Variants in SPATA13 observed in about 807,000 individuals in gnomAD.
SPATA13 encodes the protein spermatogenesis-associated protein 13.
A neutral mutation model predicts 104.0 loss-of-function variants in SPATA13; 50 were observed. That is an observed-to-expected ratio of 0.48 (90% CI 0.38 to 0.61). SPATA13 has a LOEUF of 0.61. Ranked by LOEUF, SPATA13 falls within the 20% of genes least tolerant of loss-of-function variation. The pLI is 0.00. For synonymous variants in SPATA13, 606 were observed against 667.5 expected, an observed-to-expected ratio of 0.91 and a Z score of 1.42; for missense variants, 1,524 against 1,690.6, an observed-to-expected ratio of 0.90 and a Z score of 1.73.
Position 24,249,628 on chromosome 13 carries a change from C to T in SPATA13, c.1805C>T (p.Ser602Phe). 6.2e-7 allele frequency: 1 copy of T among 1,614,126 alleles called. No individual in the cohort carries two copies. The highest frequency in any genetic ancestry group is 8.5e-7 in the Non-Finnish European group (1 of 1,179,960). Residue 602 changes from serine (S) to phenylalanine (F), a missense_variant, in exon 3 of 13, where the codon TCT becomes TTT. Ser to Phe is a radical substitution (Grantham distance 155). Coordinates refer to ENST00000382108, the MANE Select transcript of SPATA13 (RefSeq NM_001166271.3). The part of the protein sequence containing the change: ...DYGQLASRSL[S>F]IPEDSVAADP... The stretch of plus-strand genomic sequence containing the variant: ...GGCCAGCTGGCCAGCCGCAGTTTGT[C>T]TATTCCTGAAGACTCGGTTGCTGCA...
intron 3 of SPATA13, among the ~76,000 whole-genome samples, chr13:24,129,027 CTGT>C (rs1881310990): frequency 6.6e-6 from 1 of 152,258 alleles, no homozygotes; most frequent in Non-Finnish European, 1.5e-5. Context: ...GTGACCCTTT[CTGT>C]TGTTGTCACC....
At chr13:24,060,630 A>G (rs1878738781) in intron 3 of SPATA13, among the ~76,000 whole-genome samples, 1 of 152,244 alleles carries the variant, frequency 6.6e-6, no homozygotes, top group Non-Finnish European at 1.5e-5. Context: ...AGAAACTATC[A>G]ACAGAATGAA....
chr13:24,192,703 C>T (rs919188133), intron 1 of SPATA13, among the ~76,000 whole-genome samples: 8 of 152,216 alleles, frequency 5.3e-5, no homozygotes, highest in South Asian at 4.1e-4. Context: ...CCCGCTTCTA[C>T]GGTGTGATTG....
intron 1 of SPATA13, among the ~76,000 whole-genome samples, chr13:24,167,946 A>G (rs1346201920): frequency 6.6e-6 from 1 of 152,200 alleles, no homozygotes; most frequent in Admixed American, 6.5e-5. Flanking sequence ...AGACATAAAC[A>G]TGTTTCTCTC....
At chr13:24,218,603 A>G (rs374722087) in intron 1 of SPATA13, among the ~76,000 whole-genome samples, 26 of 152,304 alleles carry the variant, frequency 1.7e-4, no homozygotes, top group Non-Finnish European at 3.4e-4. Flanking sequence ...GTTATCATGT[A>G]AATCAAGCTT....
At chr13:24,278,580 A>C (rs1429632778) in intron 4 of SPATA13, 1 of 1,376,790 alleles carries the variant, frequency 7.3e-7, no homozygotes, top group African/African-American at 1.5e-5. Context: ...GCCCAGCCAC[A>C]TCTTGCAATT....
At chr13:24,075,198 A>G (rs1277067950) in intron 3 of SPATA13, among the ~76,000 whole-genome samples, 1 of 152,204 alleles carries the variant, frequency 6.6e-6, no homozygotes, top group East Asian at 1.9e-4. Context: ...GTATGTAGCT[A>G]CTATTACTCT....
At chr13:24,247,478 C>CCTTTTTTT (rs1375500120) in intron 2 of SPATA13, among the ~76,000 whole-genome samples, 213 of 87,098 alleles carry the variant, frequency 2.4e-3, no homozygotes, top group African/African-American at 8.1e-3. Context: ...TCCACATTCA[C>CCTTTTTTT]TTTTTTTTTT....
rs74240464 is a variant in SPATA13 at position 24,233,831 on chromosome 13, G to A, written c.1653+9249G>A. Among the ~76,000 whole-genome samples, 673 of 151,662 alleles carry A rather than the reference G, an allele frequency of 4.4e-3. 34 individuals carry two copies. In the East Asian group the frequency reaches 0.11, roughly 24 times the overall value. ...CCCCTGGGATGCAAGCCAAAGCTGC[G>A]GAATCCCGAGTCTCCTCCAGCACTG... is the stretch of plus-strand genomic sequence containing the variant. On this transcript the variant is annotated intron_variant, in intron 2 of 12. Transcript: ENST00000382108.
chr13:24,191,864 A>G (rs1869780919), intron 1 of SPATA13, among the ~76,000 whole-genome samples: 1 of 152,118 alleles, frequency 6.6e-6, no homozygotes, highest in Non-Finnish European at 1.5e-5. Flanking sequence ...AGTAATGAAA[A>G]TGTTGCAGAA....
At chr13:24,200,457 TG>T (rs1466941821) in intron 1 of SPATA13, among the ~76,000 whole-genome samples, 3 of 152,138 alleles carry the variant, frequency 2.0e-5, no homozygotes, top group African/African-American at 7.2e-5. Context: ...CTGCGCAACC[TG>T]AAACGTGAAA....
intron 3 of SPATA13, among the ~76,000 whole-genome samples, chr13:24,032,753 A>G (rs1877529344): frequency 6.6e-6 from 1 of 152,244 alleles, no homozygotes; most frequent in African/African-American, 2.4e-5. Flanking sequence ...TTTAAATATG[A>G]GTAAACCTAA....
chr13:23,988,507 G>A (rs2137655536), intron 2 of SPATA13, among the ~76,000 whole-genome samples: 1 of 152,256 alleles, frequency 6.6e-6, no homozygotes, highest in South Asian at 2.1e-4. Flanking sequence ...CAAGCATGTT[G>A]GTCAATCAGA....
chr13:24,098,857 G>T lies in SPATA13; in HGVS notation c.-112+81156G>T, dbSNP rs7983228. 6.0e-3 allele frequency among the ~76,000 whole-genome samples: 912 copies of T among 151,024 alleles called. 7 individuals carry two copies. Among genetic ancestry groups the T allele is most frequent in the African/African-American group, 0.021 (845 of 40,970 alleles). On this transcript the variant is annotated intron_variant, in intron 3 of 14. Transcript: ENST00000424834. ...CAGGAGAATTGCTTGAGCCCAGGAGGTGGAGGTTGCAGTGAGCTGCGATCG... is the reference window on the plus strand; with the variant it reads ...CAGGAGAATTGCTTGAGCCCAGGAGTTGGAGGTTGCAGTGAGCTGCGATCG...
chr13:24,001,779 T>C (rs968040268), intron 2 of SPATA13, among the ~76,000 whole-genome samples: 1 of 151,754 alleles, frequency 6.6e-6, no homozygotes, highest in African/African-American at 2.4e-5. Flanking sequence ...GAGTCAGCAC[T>C]GGGTGGGGGC....
At chr13:24,291,467 A>C (rs557475039) in intron 9 of SPATA13, among the ~76,000 whole-genome samples, 4 of 152,320 alleles carry the variant, frequency 2.6e-5, no homozygotes, top group African/African-American at 9.6e-5. Flanking sequence ...TCAGGGGTGC[A>C]AACCCATATG....
rs1259817794 is a variant in SPATA13, at chr13:24,205,529, A to G, written c.-111-17290A>G. 6.6e-6 allele frequency among the ~76,000 whole-genome samples: 1 copy of G among 152,212 alleles called. No homozygotes were observed. The highest frequency in any genetic ancestry group is 1.5e-5 in the Non-Finnish European group (1 of 68,034). On this transcript the variant is annotated intron_variant, in intron 1 of 12. Transcript: ENST00000382108. This position sits in a 1 kb window ranked among gnomAD's most constrained non-coding sequence, Gnocchi z 4.1. ...CTGCTCAAAGCAATTTATCAATTCA[A>G]TGCTATTCTGATTAAATTACCATTA...
At position 24,053,505 on chromosome 13, in the gene SPATA13, T is replaced by C. The variant is rs548098431; in HGVS notation, c.-112+35804T>C. 2.0e-5 allele frequency among the ~76,000 whole-genome samples: 3 copies of C among 152,320 alleles called. No homozygotes were observed. The East Asian group carries it at 5.8e-4, about 29-fold the overall frequency. Reference sequence around the variant, plus strand: ...TTCTTACCTGGGATCTCAGCTTTCTTACCTGGCTAGAAGTGGGGAGGTTGA... The same window carrying C: ...TTCTTACCTGGGATCTCAGCTTTCTCACCTGGCTAGAAGTGGGGAGGTTGA... On this transcript the variant is annotated intron_variant, in intron 3 of 14. Coordinates refer to the SPATA13 transcript ENST00000424834.
At chr13:24,243,109 C>T (rs932318430) in intron 2 of SPATA13, among the ~76,000 whole-genome samples, 4 of 152,194 alleles carry the variant, frequency 2.6e-5, no homozygotes, top group African/African-American at 9.7e-5. Flanking sequence ...GTGATATTGT[C>T]TGATTACAGA....
Sources: gnomAD v4.1 joint callset for allele counts (sites outside exome capture counted in the v4.1 genomes callset) on GRCh38, gnomAD v4.1.1 for gene constraint, Gnocchi (gnomAD v3.1) non-coding constraint, MANE v1.5 for transcripts, NCBI Gene and HGNC (gene_info 2026-07-23, HGNC 2026-07-21) for gene names.